Variants in NALCN observed in about 807,000 individuals in gnomAD.
NALCN encodes sodium leak channel, non-selective.
A neutral mutation model predicts 225.3 loss-of-function variants in NALCN; 111 were observed. The ratio of observed to expected loss-of-function variants is 0.49; its 90% CI spans 0.42 to 0.58. The LOEUF (loss-of-function observed/expected upper bound fraction) is 0.58, where lower values mean the gene tolerates loss of function less well. NALCN is among the 20% of genes least tolerant of loss of function. The probability of loss-of-function intolerance (pLI) is 0.00; values close to 1 mark genes in which losing one functional copy is unlikely to be tolerated. For synonymous variants in NALCN, 764 were observed against 769.0 expected (o/e 0.99, Z 0.11); for missense variants, 1,378 against 2,202.4 (o/e 0.63, Z 7.49).
intron 15 of NALCN, among the ~76,000 whole-genome samples, chr13:101,148,111 T>C (rs922754429): frequency 2.0e-5 from 3 of 152,118 alleles, no homozygotes; most frequent in African/African-American, 7.2e-5. Context: ...GAATCCACAA[T>C]ACATTAGTTT....
chr13:101,149,188 G>A (rs1193040493), intron 15 of NALCN, among the ~76,000 whole-genome samples: 2 of 152,036 alleles, frequency 1.3e-5, no homozygotes, highest in African/African-American at 4.8e-5. Context: ...AGCTACTAGG[G>A]AGGCTGAGGC....
chr13:101,207,300 T>C (rs1452782984), intron 13 of NALCN, among the ~76,000 whole-genome samples: 1 of 152,224 alleles, frequency 6.6e-6, no homozygotes, highest in South Asian at 2.1e-4. Context: ...AAATAAATCT[T>C]GTCCATTTGA....
At chr13:101,180,845 C>G (rs2039182786) in intron 14 of NALCN, 2 of 328,376 alleles carry the variant, frequency 6.1e-6, no homozygotes, top group East Asian at 7.5e-5. Flanking sequence ...CGCTTTGTCT[C>G]TCTCTCTCTC....
intron 15 of NALCN, among the ~76,000 whole-genome samples, chr13:101,158,474 G>A (rs1196759810): frequency 2.6e-5 from 4 of 152,190 alleles, no homozygotes; most frequent in African/African-American, 9.7e-5. Flanking sequence ...AAAGGGGTGG[G>A]GTTCCCCCAG....
In NALCN at chr13:101,140,304, G is replaced by A. The variant is rs942308928; in HGVS notation, c.2118+2776C>T. On this transcript the variant is annotated intron_variant, in intron 17 of 43. Coordinates refer to ENST00000251127, the MANE Select transcript of NALCN (RefSeq NM_052867.4). ...TTCTCTTTAGACTCCTCCTCAGCCCGGCACATGCCTCTCAAGACTCTTTTT... is the reference window on the plus strand; with the variant it reads ...TTCTCTTTAGACTCCTCCTCAGCCCAGCACATGCCTCTCAAGACTCTTTTT... Among the ~76,000 whole-genome samples, 4 of 152,198 alleles carry A rather than the reference G, an allele frequency of 2.6e-5. 1 individual carries two copies. The highest frequency in any genetic ancestry group is 2.6e-4 in the Admixed American group (4 of 15,288).
In NALCN at chr13:101,144,886, C is replaced by T. The variant is rs2037268488; in HGVS notation, c.1850G>A (p.Ser617Asn). 6.2e-7 allele frequency: 1 copy of T among 1,607,482 alleles called. No homozygotes were observed. The highest frequency in any genetic ancestry group is 8.5e-7 in the Non-Finnish European group (1 of 1,177,928). ...DLKKLKQLKQ[S>N]EANADTKEKL... ...TTCTTTGGTGTCCGCATTTGCTTCACTTTGCTTTAACTAAAGAAAAATTGG... is the reference window on the plus strand; with the variant it reads ...TTCTTTGGTGTCCGCATTTGCTTCATTTTGCTTTAACTAAAGAAAAATTGG... The change falls in exon 16 of 44, where the codon AGT becomes AAT. Residue 617 changes from serine to asparagine, a missense_variant. Ser to Asn is a conservative substitution (Grantham distance 46). Coordinates refer to ENST00000251127, the MANE Select transcript of NALCN (RefSeq NM_052867.4).
At chr13:101,294,626 T>G (rs78764069) in intron 7 of NALCN, among the ~76,000 whole-genome samples, 1 of 149,828 alleles carries the variant, frequency 6.7e-6, no homozygotes, top group Non-Finnish European at 1.5e-5. Context: ...TCTGGTCCTG[T>G]GATGCCGCCA....
chr13:101,216,261 G>C (rs1402773174), intron 13 of NALCN, among the ~76,000 whole-genome samples: 1 of 152,020 alleles, frequency 6.6e-6, no homozygotes. Flanking sequence ...CAATTAGCAG[G>C]AGAAATAGTA....
chr13:101,062,532 A>T (rs2032038286), intron 40 of NALCN, among the ~76,000 whole-genome samples: 1 of 152,054 alleles, frequency 6.6e-6, no homozygotes, highest in Non-Finnish European at 1.5e-5. Context: ...TGTGCGTCAC[A>T]CATCCCTACT....
At chr13:101,102,656 A>G (rs570901440) in intron 26 of NALCN, among the ~76,000 whole-genome samples, 1 of 152,264 alleles carries the variant, frequency 6.6e-6, no homozygotes, top group South Asian at 2.1e-4. Context: ...ATCACTCATT[A>G]CTGTAATGCT....
intron 13 of NALCN, among the ~76,000 whole-genome samples, chr13:101,214,503 TTTATTA>T (rs1272960551): frequency 7.9e-5 from 12 of 152,102 alleles, no homozygotes; most frequent in Admixed American, 5.9e-4. Context: ...TTCTCAAAAA[TTTATTA>T]GTGAACCTCA....
chr13:101,114,449 C>A lies in NALCN; in HGVS notation c.2193-3223G>T, dbSNP rs528657580. Among the ~76,000 whole-genome samples, 13 of 152,232 alleles carry A rather than the reference C, an allele frequency of 8.5e-5. No homozygotes were observed. In the South Asian group the frequency reaches 2.7e-3, roughly 32 times the overall value. Reference sequence around the variant, plus strand: ...ATTCTCTCTCTCTCTCTCTCTCTCTCTCTCGCTGACTTGCTCTTCCCATCT... The same window carrying A: ...ATTCTCTCTCTCTCTCTCTCTCTCTATCTCGCTGACTTGCTCTTCCCATCT... On this transcript the variant is annotated intron_variant, in intron 18 of 43. Transcript: ENST00000251127.
chr13:101,098,799 G>A (rs549637692), intron 27 of NALCN, among the ~76,000 whole-genome samples: 129 of 151,614 alleles, frequency 8.5e-4, no homozygotes, highest in African/African-American at 2.8e-3. Context: ...GGCCTCTTAT[G>A]TTTGGATTTG....
rs143988868 is a variant in NALCN at position 101,068,816 on chromosome 13, C to T, written c.4209G>A (p.Pro1403=). The change falls in exon 38 of 44, where the codon CCG becomes CCA. Residue 1403 remains proline (P), a synonymous_variant. Coordinates refer to ENST00000251127, the MANE Select transcript of NALCN (RefSeq NM_052867.4). ...ATGTAAATTCATCTGGAGTACAAAACGGAGGCTGAACCTTTGGGGCATTGG... is the reference window on the plus strand; with the variant it reads ...ATGTAAATTCATCTGGAGTACAAAATGGAGGCTGAACCTTTGGGGCATTGG... ...KIMHDCMVQP[P]FCTPDEFTYW... is the part of the protein sequence containing the mutation. 148 of 1,606,806 alleles carry T rather than the reference C, an allele frequency of 9.2e-5. No homozygotes were observed. In the African/African-American group the frequency reaches 1.0e-3, roughly 11 times the overall value.
At chr13:101,130,840 A>G (rs531841882) in intron 17 of NALCN, among the ~76,000 whole-genome samples, 50 of 152,258 alleles carry the variant, frequency 3.3e-4, no homozygotes, top group African/African-American at 1.2e-3. Flanking sequence ...TTACTCCAAT[A>G]TTTTTAGGTG....
chr13:101,257,197 T>C (rs987606115), intron 11 of NALCN, among the ~76,000 whole-genome samples: 16 of 130,562 alleles, frequency 1.2e-4, no homozygotes, highest in African/African-American at 4.0e-4. Flanking sequence ...CACAAAACTC[T>C]TATTGTTTAT....
intron 37 of NALCN, among the ~76,000 whole-genome samples, chr13:101,071,925 G>A (rs767924240): frequency 1.3e-4 from 20 of 152,022 alleles, no homozygotes; most frequent in Non-Finnish European, 2.2e-4. Context: ...GTTGTGAATC[G>A]GCCTAATGTC....
At chr13:101,218,114 G>T (rs1225369907) in intron 13 of NALCN, among the ~76,000 whole-genome samples, 2 of 148,480 alleles carry the variant, frequency 1.3e-5, no homozygotes, top group African/African-American at 5.0e-5. Flanking sequence ...CAAGTTTGCT[G>T]GAAGGAAAGG....
chr13:101,212,748 C>A (rs139934039), intron 13 of NALCN, among the ~76,000 whole-genome samples: 1 of 151,970 alleles, frequency 6.6e-6, no homozygotes, highest in Non-Finnish European at 1.5e-5. Context: ...TGTGAGGCTG[C>A]GGACAGTAAA....
Sources: gnomAD v4.1 joint callset for allele counts (sites outside exome capture counted in the v4.1 genomes callset) on GRCh38, gnomAD v4.1.1 for gene constraint, MANE v1.5 for transcripts, NCBI Gene and HGNC (gene_info 2026-07-23, HGNC 2026-07-21) for gene names.